The following PLPP4 variants were observed in gnomAD, a reference collection of about 807,000 sequenced individuals.
The protein encoded by PLPP4 is phospholipid phosphatase 4.
Under a neutral mutation model 32.2 loss-of-function variants are expected in PLPP4, and 20 were observed. That is an observed-to-expected ratio of 0.62 (90% CI 0.44 to 0.90). PLPP4 has a LOEUF of 0.90. PLPP4 is among the 40% of genes least tolerant of loss of function. The pLI is 0.00. For missense variants in PLPP4, 257 were observed against 353.1 expected (o/e 0.73, Z 2.18); for synonymous variants, 127 against 133.0 (o/e 0.95, Z 0.31).
intron 6 of PLPP4, among the ~76,000 whole-genome samples, chr10:120,575,949 G>A (rs1348036705): frequency 1.3e-5 from 2 of 152,166 alleles, no homozygotes; most frequent in African/African-American, 2.4e-5. Context: ...ACCACCACCT[G>A]CCAGAGCACA....
intron 5 of PLPP4, among the ~76,000 whole-genome samples, chr10:120,569,163 C>T (rs750559886): frequency 1.3e-5 from 2 of 151,532 alleles, no homozygotes; most frequent in East Asian, 1.9e-4. Context: ...CACTTGAATC[C>T]GGGAGGCGGA....
intron 1 of PLPP4, among the ~76,000 whole-genome samples, chr10:120,461,158 G>T (rs1848028853): frequency 6.6e-6 from 1 of 152,146 alleles, no homozygotes; most frequent in African/African-American, 2.4e-5. Context: ...TGGCAGCAGT[G>T]GTTCACACTT....
chr10:120,572,202 T>C (rs1306682310), intron 5 of PLPP4, among the ~76,000 whole-genome samples: 2 of 152,200 alleles, frequency 1.3e-5, no homozygotes, highest in Non-Finnish European at 2.9e-5. Context: ...TTACCTACCC[T>C]TCAAAGAATG....
intron 1 of PLPP4, among the ~76,000 whole-genome samples, chr10:120,503,397 C>T (rs573856785): frequency 4.6e-5 from 7 of 152,202 alleles, no homozygotes; most frequent in Non-Finnish European, 7.3e-5. Flanking sequence ...ATTGACCAAC[C>T]GATGAAGACA....
chr10:120,538,022 C>G (rs1254952101), intron 5 of PLPP4, among the ~76,000 whole-genome samples: 13 of 56,408 alleles, frequency 2.3e-4, no homozygotes, highest in South Asian at 8.2e-4. Flanking sequence ...CTCTCTCTCT[C>G]TCTCTCTCTC....
chr10:120,503,914 C>T lies in PLPP4; in HGVS notation c.153C>T (p.Thr51=). 2 of 1,602,004 alleles carry T rather than the reference C, an allele frequency of 1.2e-6. No homozygotes were observed. Among genetic ancestry groups the T allele is most frequent in the Non-Finnish European group, 1.7e-6 (2 of 1,169,022 alleles). ...NPLVQSDNIP[T]RLMFAISFLT... ...TGGTGCAATCAGATAACATACCTAC[C>T]CGCCTCATGTTTGTAAGTACCATGA... is the stretch of plus-strand genomic sequence containing the variant. The change falls in exon 2 of 7, where the codon ACC becomes ACT. Residue 51 remains threonine, a synonymous_variant. Transcript: ENST00000398250.
chr10:120,512,004 G>C (rs1288824769), intron 2 of PLPP4, among the ~76,000 whole-genome samples: 1 of 152,052 alleles, frequency 6.6e-6, no homozygotes, highest in Non-Finnish European at 1.5e-5. Context: ...TGAGGCAGGA[G>C]AATGGCGTGA....
rs1849961721 is a variant in PLPP4 at position 120,590,503 on chromosome 10, C to T, written c.*1001C>T. ...TCCTATCTAGCTGGCAATATTTCAG[C>T]ATGATAGGACTCTGGTAGAAGGTAC... On this transcript the variant is annotated 3_prime_UTR_variant, in exon 7 of 7. Coordinates refer to ENST00000398250, the MANE Select transcript of PLPP4 (RefSeq NM_001030059.3). 6.6e-6 allele frequency among the ~76,000 whole-genome samples: 1 copy of T among 152,208 alleles called. No individual in the cohort carries two copies. The highest frequency in any genetic ancestry group is 2.4e-5 in the African/African-American group (1 of 41,448).
At chr10:120,527,092 C>A (rs537265299) in intron 5 of PLPP4, among the ~76,000 whole-genome samples, 62 of 147,230 alleles carry the variant, frequency 4.2e-4, no homozygotes, top group African/African-American at 1.5e-3. Flanking sequence ...GTCTGTCTAC[C>A]TATCTGTCTA....
intron 1 of PLPP4, among the ~76,000 whole-genome samples, chr10:120,491,406 C>T (rs1269426842): frequency 6.6e-6 from 1 of 152,206 alleles, no homozygotes; most frequent in Non-Finnish European, 1.5e-5. Flanking sequence ...GCACCTTTAA[C>T]CTGAGCATTT....
intron 5 of PLPP4, among the ~76,000 whole-genome samples, chr10:120,563,773 G>GTCCGCAA (rs2134018739): frequency 9.3e-6 from 1 of 107,440 alleles, no homozygotes; most frequent in Admixed American, 1.2e-4. Flanking sequence ...GCAGTCCGCA[G>GTCCGCAA]TCCGGCCTGG....
intron 1 of PLPP4, among the ~76,000 whole-genome samples, chr10:120,465,740 C>A (rs1302500092): frequency 1.3e-5 from 2 of 152,118 alleles, no homozygotes; most frequent in Non-Finnish European, 1.5e-5. Flanking sequence ...GTACAGCTGT[C>A]CAGAAAACTA....
chr10:120,563,509 T>C (rs2134017506), intron 5 of PLPP4, among the ~76,000 whole-genome samples: 1 of 151,840 alleles, frequency 6.6e-6, no homozygotes, highest in Non-Finnish European at 1.5e-5. Flanking sequence ...TATAAAAATC[T>C]TGAATTTTAG....
chr10:120,551,709 G>A (rs2133987149), intron 5 of PLPP4, among the ~76,000 whole-genome samples: 1 of 152,294 alleles, frequency 6.6e-6, no homozygotes, highest in African/African-American at 2.4e-5. Flanking sequence ...GAGGGAACTG[G>A]CTGGCAAGAG....
chr10:120,532,021 C>T (rs143133838), intron 5 of PLPP4, among the ~76,000 whole-genome samples: 2,301 of 152,186 alleles, frequency 0.015, 22 homozygotes, highest in African/African-American at 0.023. Flanking sequence ...ATCAACCCAT[C>T]GTCTACATTA....
At chr10:120,518,681 C>CAAACGTATCT in intron 3 of PLPP4, 152 bp from the exon 4 acceptor site, 1 of 563,398 alleles carries the variant, frequency 1.8e-6, no homozygotes, top group Non-Finnish European at 2.9e-6. Flanking sequence ...TCTAGCAACC[C>CAAACGTATCT]AAACGTATCT....
At position 120,503,799 on chromosome 10, in the gene PLPP4, T is replaced by G. The variant is rs376606568; in HGVS notation, c.57-19T>G. On this transcript the variant is annotated intron_variant, in intron 1 of 6. Coordinates refer to ENST00000398250, the MANE Select transcript of PLPP4 (RefSeq NM_001030059.3). ...AACAGAACGCTCAACCTTCATGTAC[T>G]TTTCTTTTTATGTTTCAGTTTTACA... 5.4e-5 allele frequency: 86 copies of G among 1,607,184 alleles called. No individual in the cohort carries two copies. Among genetic ancestry groups the G allele is most frequent in the Non-Finnish European group, 7.0e-5 (82 of 1,174,234 alleles).
intron 1 of PLPP4, among the ~76,000 whole-genome samples, chr10:120,489,652 G>T (rs111804237): frequency 1.7e-4 from 26 of 152,134 alleles, no homozygotes; most frequent in Non-Finnish European, 2.9e-4. Context: ...CAGACTCAAG[G>T]TTGCCAGATC....
intron 5 of PLPP4, among the ~76,000 whole-genome samples, chr10:120,533,358 C>T (rs575399513): frequency 3.1e-4 from 47 of 152,096 alleles, no homozygotes; most frequent in African/African-American, 1.1e-3. Flanking sequence ...TTTTTAAATC[C>T]GGTTTTGTGT....
Sources: gnomAD v4.1 joint callset for allele counts (sites outside exome capture counted in the v4.1 genomes callset) on GRCh38, gnomAD v4.1.1 for gene constraint, MANE v1.5 for transcripts, NCBI Gene and HGNC (gene_info 2026-07-23, HGNC 2026-07-21) for gene names.